The following C12orf42 variants were observed in gnomAD, a reference collection of about 807,000 sequenced individuals.
The protein encoded by C12orf42 is chromosome 12 open reading frame 42.
In C12orf42, 25 loss-of-function variants were observed where a neutral mutation model predicts 21.6. The observed-to-expected ratio is 1.16, with a 90% CI of 0.84 to 1.62. C12orf42 has a LOEUF of 1.62. C12orf42 is among the 40% of genes most tolerant of loss of function. The pLI, the probability that C12orf42 is intolerant of heterozygous loss-of-function variation, is 0.00. For missense variants in C12orf42, 483 were observed against 459.3 expected, an observed-to-expected ratio of 1.05 and a Z score of -0.47; for synonymous variants, 174 against 175.0, an observed-to-expected ratio of 0.99 and a Z score of 0.05.
At chr12:103,318,694 C>T (rs886160904) in intron 4 of C12orf42, among the ~76,000 whole-genome samples, 2 of 152,134 alleles carry the variant, frequency 1.3e-5, no homozygotes, top group Non-Finnish European at 2.9e-5. Context: ...TTCCTTTCTC[C>T]TGCCCCGTGT....
the C12orf42 span, among the ~76,000 whole-genome samples, chr12:103,103,989 T>C: frequency 6.6e-6 from 1 of 152,208 alleles, no homozygotes; most frequent in South Asian, 2.1e-4. Flanking sequence ...ATGTGGCTAC[T>C]ATATGTGGGC....
intron 3 of C12orf42, among the ~76,000 whole-genome samples, chr12:103,384,210 GC>G (rs1215195424): frequency 1.4e-4 from 22 of 152,192 alleles, no homozygotes; most frequent in African/African-American, 4.8e-4. Context: ...GTCATCATAA[GC>G]AAAAGATATT....
At chr12:103,191,987 A>C in the C12orf42 span, among the ~76,000 whole-genome samples, 1 of 152,208 alleles carries the variant, frequency 6.6e-6, no homozygotes, top group African/African-American at 2.4e-5. Context: ...CTAAAACCAC[A>C]AACAAAAATT....
the C12orf42 span, among the ~76,000 whole-genome samples, chr12:103,087,509 C>T: frequency 1.3e-5 from 2 of 152,124 alleles, no homozygotes; most frequent in African/African-American, 4.8e-5. Flanking sequence ...TTAATCATTG[C>T]AGTTCTCTAA....
chr12:103,543,648 C>T, the C12orf42 span, among the ~76,000 whole-genome samples: 4 of 151,982 alleles, frequency 2.6e-5, no homozygotes, highest in African/African-American at 9.7e-5. Flanking sequence ...AATCCAATCA[C>T]CCACTTCCCA....
the C12orf42 span, among the ~76,000 whole-genome samples, chr12:103,526,441 AG>A: frequency 6.6e-6 from 1 of 152,210 alleles, no homozygotes. Context: ...ATGTAACTCA[AG>A]GGTTTGGGGT....
chr12:103,317,288 C>T (rs1211920030), intron 4 of C12orf42, among the ~76,000 whole-genome samples: 2 of 152,170 alleles, frequency 1.3e-5, no homozygotes, highest in African/African-American at 4.8e-5. Context: ...TATCACTCAA[C>T]CACCCCCTCT....
the C12orf42 span, among the ~76,000 whole-genome samples, chr12:103,221,704 C>G: frequency 6.6e-6 from 1 of 152,308 alleles, no homozygotes; most frequent in Admixed American, 6.5e-5. Context: ...AGCACTACCT[C>G]ATTTTATGGC....
At chr12:103,371,597 G>T (rs1356823417) in intron 3 of C12orf42, among the ~76,000 whole-genome samples, 1 of 152,112 alleles carries the variant, frequency 6.6e-6, no homozygotes, top group Admixed American at 6.6e-5. Flanking sequence ...AAAGAGAGAG[G>T]AGTACCACAG....
intron 4 of C12orf42, among the ~76,000 whole-genome samples, chr12:103,288,739 A>G (rs2036620978): frequency 6.6e-6 from 1 of 152,142 alleles, no homozygotes; most frequent in Non-Finnish European, 1.5e-5. Context: ...TATAAATCAA[A>G]GTGTCTTCAG....
At chr12:103,286,350 G>C (rs1358763718) in intron 4 of C12orf42, among the ~76,000 whole-genome samples, 2 of 151,684 alleles carry the variant, frequency 1.3e-5, no homozygotes, top group East Asian at 3.9e-4. Context: ...AGGTAGCATA[G>C]AGTGGAGTTA....
chr12:103,073,115 G>A, the C12orf42 span, among the ~76,000 whole-genome samples: 1 of 152,106 alleles, frequency 6.6e-6, no homozygotes, highest in Non-Finnish European at 1.5e-5. Flanking sequence ...ACATAACAGG[G>A]ACCTAAATGA....
rs547260063 is a variant in C12orf42 at position 103,428,099 on chromosome 12, G to C, written c.79-26424C>G. On this transcript the variant is annotated intron_variant, in intron 2 of 5. Transcript: ENST00000548883. Reference sequence around the variant, plus strand: ...CAAGAGCAAACAAATTCAAAAGCTAGAAGAAGAATAACTAAGATCAGAGCA... The same window carrying C: ...CAAGAGCAAACAAATTCAAAAGCTACAAGAAGAATAACTAAGATCAGAGCA... 5.9e-5 allele frequency among the ~76,000 whole-genome samples: 9 copies of C among 152,180 alleles called. No individual in the cohort carries two copies. The South Asian group carries it at 6.2e-4, about 11-fold the overall frequency.
chr12:103,538,899 T>C, the C12orf42 span, among the ~76,000 whole-genome samples: 2 of 151,826 alleles, frequency 1.3e-5, no homozygotes, highest in South Asian at 2.1e-4. Flanking sequence ...AATGAGGACA[T>C]TGAGATAATG....
chr12:103,442,309 C>G (rs1428404488), intron 2 of C12orf42, among the ~76,000 whole-genome samples: 3 of 152,288 alleles, frequency 2.0e-5, no homozygotes, highest in African/African-American at 7.2e-5. Flanking sequence ...GATTGATGAT[C>G]TCACATCTAC....
chr12:103,448,709 G>A (rs1369357763), intron 2 of C12orf42, among the ~76,000 whole-genome samples: 3 of 151,702 alleles, frequency 2.0e-5, no homozygotes, highest in African/African-American at 7.3e-5. Flanking sequence ...AATTATCAGG[G>A]AAATGCAGAT....
chr12:103,555,182 A>G, the C12orf42 span, among the ~76,000 whole-genome samples: 76 of 152,294 alleles, frequency 5.0e-4, no homozygotes, highest in African/African-American at 1.7e-3. Flanking sequence ...TGTTGCTAAT[A>G]AAGACATATC....
At chr12:103,517,559 A>G in the C12orf42 span, among the ~76,000 whole-genome samples, 1 of 152,260 alleles carries the variant, frequency 6.6e-6, no homozygotes, top group African/African-American at 2.4e-5. Flanking sequence ...CTTTTTAGGT[A>G]AGTGGTTGGA....
chr12:103,367,118 A>G (rs1339669188), intron 4 of C12orf42, among the ~76,000 whole-genome samples: 1 of 152,028 alleles, frequency 6.6e-6, no homozygotes, highest in Admixed American at 6.6e-5. Context: ...TCAGCCATAA[A>G]AAGGAATGAA....
Sources: allele counts gnomAD v4.1 joint callset (sites outside exome capture counted in the v4.1 genomes callset), GRCh38; gene constraint gnomAD v4.1.1; transcripts MANE v1.5; gene names NCBI Gene and HGNC (gene_info 2026-07-23, HGNC 2026-07-21).